The following GNG12 variants were observed in gnomAD, a reference collection of about 807,000 sequenced individuals.
The protein encoded by GNG12 is guanine nucleotide-binding protein G(I)/G(S)/G(O) subunit gamma-12.
For missense variants in GNG12, 69 were observed against 83.8 expected (o/e 0.82, Z 0.69); for synonymous variants, 28 against 29.7 (o/e 0.94, Z 0.19).
chr1:67,758,318 A>C (rs1313901267), intron 2 of GNG12, among the ~76,000 whole-genome samples: 4 of 152,180 alleles, frequency 2.6e-5, no homozygotes, highest in Admixed American at 6.5e-5. Flanking sequence ...GAATAAACAA[A>C]CAACCAAACC....
chr1:67,790,358 G>C (rs1335209884), intron 1 of GNG12, among the ~76,000 whole-genome samples: 1 of 152,100 alleles, frequency 6.6e-6, no homozygotes, highest in Admixed American at 6.6e-5. Flanking sequence ...CCAGCGTTTA[G>C]GGAAATATAC....
chr1:67,798,850 A>T (rs567032054), intron 1 of GNG12, among the ~76,000 whole-genome samples: 1 of 152,182 alleles, frequency 6.6e-6, no homozygotes, highest in African/African-American at 2.4e-5. Context: ...GCTACTCGGG[A>T]GGCTGAGGCA....
chr1:67,814,750 C>A (rs1267496784), intron 1 of GNG12, among the ~76,000 whole-genome samples: 1 of 152,020 alleles, frequency 6.6e-6, no homozygotes, highest in East Asian at 1.9e-4. Flanking sequence ...AGAAAATTAA[C>A]ACTTGAGTTA....
chr1:67,802,510 T>G (rs572279913), intron 1 of GNG12, among the ~76,000 whole-genome samples: 9 of 152,316 alleles, frequency 5.9e-5, no homozygotes, highest in Admixed American at 1.3e-4. Context: ...TCTCACTGCC[T>G]CTTTCCCAGA....
intron 1 of GNG12, among the ~76,000 whole-genome samples, chr1:67,808,926 G>C (rs1386352961): frequency 1.3e-5 from 2 of 152,068 alleles, no homozygotes; most frequent in Admixed American, 1.3e-4. Flanking sequence ...TTATTTTATG[G>C]ATATAAACAA....
intron 1 of GNG12, among the ~76,000 whole-genome samples, chr1:67,779,094 T>C (rs1444410273): frequency 6.6e-6 from 1 of 152,212 alleles, no homozygotes; most frequent in Non-Finnish European, 1.5e-5. Flanking sequence ...AAGGGCCTAA[T>C]GCTTTCATCA....
chr1:67,775,791 T>C (rs1374545910), intron 2 of GNG12, among the ~76,000 whole-genome samples: 2 of 152,096 alleles, frequency 1.3e-5, no homozygotes, highest in East Asian at 1.9e-4. Context: ...AGATCACAGA[T>C]GGCAGGAATA....
At chr1:67,815,202 G>A (rs939582760) in intron 1 of GNG12, among the ~76,000 whole-genome samples, 1 of 152,124 alleles carries the variant, frequency 6.6e-6, no homozygotes, top group Non-Finnish European at 1.5e-5. Context: ...GCCACAAATC[G>A]TTTCTATGAA....
intron 1 of GNG12, among the ~76,000 whole-genome samples, chr1:67,789,581 T>G (rs895725514): frequency 6.6e-6 from 1 of 152,216 alleles, no homozygotes; most frequent in Non-Finnish European, 1.5e-5. Flanking sequence ...GGCTTAGTTC[T>G]CTAAAGCTAT....
chr1:67,707,355 T>TC (rs1290809090), intron 3 of GNG12, among the ~76,000 whole-genome samples: 2 of 152,102 alleles, frequency 1.3e-5, no homozygotes, highest in Non-Finnish European at 2.9e-5. Flanking sequence ...GGGAGACAGG[T>TC]CCTTAGGAAA....
chr1:67,717,453 T>C (rs1057275268), intron 2 of GNG12, among the ~76,000 whole-genome samples: 1 of 151,484 alleles, frequency 6.6e-6, no homozygotes, highest in African/African-American at 2.4e-5. Context: ...GAGGCAGAGG[T>C]TGCAGTGACC....
intron 2 of GNG12, among the ~76,000 whole-genome samples, chr1:67,719,675 C>A (rs1646346117): frequency 6.6e-6 from 1 of 152,180 alleles, no homozygotes; most frequent in African/African-American, 2.4e-5. Context: ...GTACTCTGTG[C>A]AGATACTAAT....
chr1:67,728,494 G>A (rs1034546858), intron 2 of GNG12, among the ~76,000 whole-genome samples: 1 of 152,058 alleles, frequency 6.6e-6, no homozygotes, highest in Non-Finnish European at 1.5e-5. Context: ...TTGCTCTTCA[G>A]AACTACTCAA....
chr1:67,721,632 G>A (rs928169522), intron 2 of GNG12, among the ~76,000 whole-genome samples: 1 of 152,122 alleles, frequency 6.6e-6, no homozygotes, highest in African/African-American at 2.4e-5. Context: ...CATTATCCTA[G>A]GACTAAGCTG....
rs1416215573 is a variant in GNG12 at position 67,754,420 on chromosome 1, A to G, written c.-27+23038T>C. ...GTCGTTCTGGACTCCCCACTCCTCC[A>G]CCACACCCCTTCTTCTGTCTCCAAG... On this transcript the variant is annotated intron_variant, in intron 2 of 3. Coordinates refer to ENST00000370982, the MANE Select transcript of GNG12 (RefSeq NM_018841.6). Among the ~76,000 whole-genome samples the G allele has an allele frequency of 3.3e-5, 5 of 152,008 alleles. No homozygotes were observed. The East Asian group carries it at 7.8e-4, about 24-fold the overall frequency.
intron 2 of GNG12, among the ~76,000 whole-genome samples, chr1:67,753,322 G>A (rs529856300): frequency 6.6e-6 from 1 of 151,038 alleles, no homozygotes; most frequent in Non-Finnish European, 1.5e-5. Context: ...TGCTCAACTG[G>A]TAAGTATATA....
chr1:67,754,787 G>T (rs988319355), intron 2 of GNG12, among the ~76,000 whole-genome samples: 3 of 152,194 alleles, frequency 2.0e-5, no homozygotes, highest in African/African-American at 7.2e-5. Flanking sequence ...ACTCCGTGAG[G>T]ACTTCCTTGC....
At chr1:67,772,175 A>G (rs954151529) in intron 2 of GNG12, among the ~76,000 whole-genome samples, 4 of 152,356 alleles carry the variant, frequency 2.6e-5, no homozygotes, top group East Asian at 1.9e-4. Context: ...AAAAAAGTGC[A>G]TATGTACAAT....
At chr1:67,786,180 A>C (rs1196557203) in intron 1 of GNG12, among the ~76,000 whole-genome samples, 2 of 152,344 alleles carry the variant, frequency 1.3e-5, no homozygotes, top group Admixed American at 1.3e-4. Flanking sequence ...CATTTTATTG[A>C]AATATGTTAC....
Sources: gnomAD v4.1 joint callset for allele counts (sites outside exome capture counted in the v4.1 genomes callset) on GRCh38, gnomAD v4.1.1 for gene constraint, MANE v1.5 for transcripts, NCBI Gene and HGNC (gene_info 2026-07-23, HGNC 2026-07-21) for gene names.